NEBL: variants seen among roughly 807,000 people sequenced by gnomAD.
NEBL encodes the protein nebulette, also known as LIM and SH3 protein 2.
NEBL carries 122 observed loss-of-function variants against 140.2 expected under a neutral mutation model. That is an observed-to-expected ratio of 0.87 (90% CI 0.75 to 1.01). The LOEUF is 1.01. Ranked by LOEUF, NEBL falls within the 50% of genes least tolerant of loss-of-function variation. The probability of loss-of-function intolerance (pLI) is 0.00; values close to 1 mark genes in which losing one functional copy is unlikely to be tolerated. For synonymous variants in NEBL, 436 were observed against 398.9 expected (o/e 1.09, Z -1.11); for missense variants, 1,365 against 1,231.3 (o/e 1.11, Z -1.62).
intron 3 of NEBL, among the ~76,000 whole-genome samples, chr10:21,229,641 C>T (rs1196269270): frequency 6.6e-6 from 1 of 152,160 alleles, no homozygotes; most frequent in Non-Finnish European, 1.5e-5. Flanking sequence ...AGTTTTTATT[C>T]CCACTTGTTT....
intron 8 of NEBL, 116 bp from the exon 9 acceptor site, chr10:20,858,460 G>A (rs1291814404): frequency 2.8e-5 from 24 of 850,382 alleles, no homozygotes; most frequent in Middle Eastern, 3.3e-4. Context: ...ATGGACAGAC[G>A]AATTTACAAG....
intron 1 of NEBL, among the ~76,000 whole-genome samples, chr10:21,260,084 A>G (rs1355571415): frequency 6.6e-6 from 1 of 152,244 alleles, no homozygotes; most frequent in Admixed American, 6.5e-5. Context: ...TTTTCCTGTT[A>G]GGCAAATCAA....
chr10:20,954,833 T>G (rs1835705314), intron 4 of NEBL, among the ~76,000 whole-genome samples: 1 of 152,176 alleles, frequency 6.6e-6, no homozygotes, highest in African/African-American at 2.4e-5. Context: ...TGGTAGCCTC[T>G]GAGCCAGTGT....
chr10:20,924,114 G>T (rs138647563), intron 4 of NEBL, among the ~76,000 whole-genome samples: 156 of 152,188 alleles, frequency 1.0e-3, no homozygotes, highest in Non-Finnish European at 1.8e-3. Context: ...ATTGGTGATT[G>T]TCAGCTAGGG....
intron 2 of NEBL, among the ~76,000 whole-genome samples, chr10:21,081,060 G>A (rs1288124340): frequency 6.6e-6 from 1 of 152,010 alleles, no homozygotes; most frequent in Non-Finnish European, 1.5e-5. Context: ...TCACCATGTT[G>A]GCCAGGCTGG....
chr10:21,034,039 C>CAA (rs1262710509), intron 2 of NEBL, among the ~76,000 whole-genome samples: 1 of 151,410 alleles, frequency 6.6e-6, no homozygotes, highest in Non-Finnish European at 1.5e-5. Context: ...TGATGGCACA[C>CAA]ACCTGTAGTC....
At chr10:21,264,292 T>C (rs2132283479) in intron 1 of NEBL, among the ~76,000 whole-genome samples, 2 of 152,114 alleles carry the variant, frequency 1.3e-5, no homozygotes, top group South Asian at 4.2e-4. Flanking sequence ...CATCTGCCCC[T>C]ACCACGGTGC....
intron 2 of NEBL, among the ~76,000 whole-genome samples, chr10:21,043,661 T>C (rs1354968330): frequency 1.3e-5 from 2 of 152,180 alleles, no homozygotes; most frequent in East Asian, 3.9e-4. Context: ...CCTTTCCTAG[T>C]GAGAGAGTTG....
intron 2 of NEBL, among the ~76,000 whole-genome samples, chr10:21,075,657 A>G (rs1009918741): frequency 2.6e-5 from 4 of 152,154 alleles, no homozygotes; most frequent in Admixed American, 6.5e-5. Flanking sequence ...CATTTTCCTC[A>G]ACTCTTAGCT....
rs1047942343 is a variant in NEBL, at chr10:21,173,340, A to T, written c.69+425T>A. On this transcript the variant is annotated intron_variant, in intron 1 of 6. Coordinates refer to the NEBL transcript ENST00000417816. This position sits in a 1 kb window ranked among gnomAD's most constrained non-coding sequence, Gnocchi z 5.7. ...CTCTCCCCCTCGCCGCGGTCACAGG[A>T]GGCGCTGCGGGTGGGCGGTGAGGTG... Among the ~76,000 whole-genome samples the T allele has an allele frequency of 5.0e-5, 6 of 120,610 alleles. No individual in the cohort carries two copies. The highest frequency in any genetic ancestry group is 8.7e-5 in the Non-Finnish European group (5 of 57,184). The allele number at this position is 120,610 out of a possible 152,430, so 79.1% of individuals were successfully genotyped here.
intron 1 of NEBL, among the ~76,000 whole-genome samples, chr10:21,288,760 CAAAAA>C (rs59316290): frequency 2.3e-4 from 11 of 46,866 alleles, no homozygotes; most frequent in Admixed American, 1.2e-3. Context: ...ACTCCATCGC[CAAAAA>C]AAAAAAAAAG....
intron 24 of NEBL, among the ~76,000 whole-genome samples, chr10:20,810,675 C>T (rs1411147050): frequency 2.0e-5 from 3 of 152,200 alleles, no homozygotes; most frequent in African/African-American, 4.8e-5. Context: ...GTCTCTCCAA[C>T]AAAAGGGCAT....
intron 2 of NEBL, among the ~76,000 whole-genome samples, chr10:21,063,127 G>A (rs1222106477): frequency 6.6e-6 from 1 of 152,110 alleles, no homozygotes; most frequent in Non-Finnish European, 1.5e-5. Context: ...GTGCTCCATT[G>A]CTCAGAGGAC....
chr10:21,140,660 A>G (rs1274184457), intron 2 of NEBL, among the ~76,000 whole-genome samples: 1 of 152,220 alleles, frequency 6.6e-6, no homozygotes, highest in Non-Finnish European at 1.5e-5. Context: ...AAATCACACA[A>G]TGAAAAAATA....
At chr10:20,919,755 G>A (rs903735154) in intron 4 of NEBL, among the ~76,000 whole-genome samples, 3 of 152,128 alleles carry the variant, frequency 2.0e-5, no homozygotes, top group African/African-American at 7.2e-5. Flanking sequence ...CAACCTGGGA[G>A]TGGGAAACCA....
chr10:20,975,680 A>G (rs1836764484), intron 3 of NEBL, among the ~76,000 whole-genome samples: 1 of 152,166 alleles, frequency 6.6e-6, no homozygotes. Flanking sequence ...TTTACAAAAC[A>G]AGGTGGCAAA....
intron 2 of NEBL, chr10:21,146,438 C>G: frequency 6.2e-7 from 1 of 1,613,492 alleles, no homozygotes; most frequent in Non-Finnish European, 8.5e-7. Context: ...AGCTAGAGGA[C>G]AGCCAATATC....
chr10:21,212,431 C>G (rs1464503818), intron 3 of NEBL, among the ~76,000 whole-genome samples: 4 of 152,202 alleles, frequency 2.6e-5, no homozygotes, highest in African/African-American at 9.6e-5. Flanking sequence ...TGGACAGCGC[C>G]TACCCCTCCT....
intron 3 of NEBL, among the ~76,000 whole-genome samples, chr10:21,187,061 T>TACCTTTATTTATTCC (rs949539048): frequency 5.3e-5 from 8 of 151,794 alleles, no homozygotes; most frequent in African/African-American, 1.7e-4. Flanking sequence ...GTTTTTATTC[T>TACCTTTATTTATTCC]ACCTTTATTT....
Sources: gnomAD v4.1 joint callset for allele counts (sites outside exome capture counted in the v4.1 genomes callset) on GRCh38, gnomAD v4.1.1 for gene constraint, Gnocchi (gnomAD v3.1) non-coding constraint, MANE v1.5 for transcripts, NCBI Gene and HGNC (gene_info 2026-07-23, HGNC 2026-07-21) for gene names.